Variants in VAV2 observed in about 807,000 individuals in gnomAD.
The protein encoded by VAV2 is vav guanine nucleotide exchange factor 2.
A neutral mutation model predicts 132.5 loss-of-function variants in VAV2; 67 were observed. The ratio of observed to expected loss-of-function variants is 0.51; its 90% CI spans 0.42 to 0.62. The LOEUF is 0.62. VAV2 is among the 20% of genes least tolerant of loss of function. The pLI is 0.00. For missense variants in VAV2, 938 were observed against 1,153.6 expected, an observed-to-expected ratio of 0.81 and a Z score of 2.71; for synonymous variants, 492 against 443.5, an observed-to-expected ratio of 1.11 and a Z score of -1.37.
At chr9:133,869,791 C>A (rs1017441639) in intron 2 of VAV2, among the ~76,000 whole-genome samples, 1 of 152,122 alleles carries the variant, frequency 6.6e-6, no homozygotes, top group African/African-American at 2.4e-5. Flanking sequence ...TGGCCCCAGC[C>A]GCAGACCTTC....
rs1837097481 is a variant in VAV2 at position 133,849,876 on chromosome 9, T to G, written c.380+11498A>C. 2.6e-5 allele frequency among the ~76,000 whole-genome samples: 4 copies of G among 152,088 alleles called. No homozygotes were observed. In the Admixed American group the frequency reaches 2.6e-4, roughly 10 times the overall value. ...GGCCCAACCAGGTAATTCAGGATGATCTCATCTAGAGGACCCTACTTTAAT... is the reference window on the plus strand; with the variant it reads ...GGCCCAACCAGGTAATTCAGGATGAGCTCATCTAGAGGACCCTACTTTAAT... On this transcript the variant is annotated intron_variant, in intron 3 of 29. Coordinates refer to ENST00000371850, the MANE Select transcript of VAV2 (RefSeq NM_001134398.2).
At chr9:133,967,790 G>A (rs34081182) in intron 1 of VAV2, among the ~76,000 whole-genome samples, 33,179 of 151,622 alleles carry the variant, frequency 0.22, 3,743 homozygotes, top group Middle Eastern at 0.28. Context: ...AAAATTAGCC[G>A]GATGTGGTGG....
intron 4 of VAV2, among the ~76,000 whole-genome samples, chr9:133,818,898 T>C (rs1466083920): frequency 1.3e-5 from 2 of 152,016 alleles, no homozygotes; most frequent in African/African-American, 4.8e-5. Flanking sequence ...GCACTCACCA[T>C]GATGCCCAGC....
rs139234729 is a variant in VAV2, at chr9:133,802,691, C to A, written c.836+3390G>T. On this transcript the variant is annotated intron_variant, in intron 9 of 29. Transcript: ENST00000371850. The surrounding 1 kb of genome is among the most constrained non-coding windows in gnomAD (Gnocchi z 5.8). Reference sequence around the variant, plus strand: ...TACGTCAAATTCTGAACCCACCACACGGTGCACAAATGCCTCCTCCAGAGA... The same window carrying A: ...TACGTCAAATTCTGAACCCACCACAAGGTGCACAAATGCCTCCTCCAGAGA... Among the ~76,000 whole-genome samples the A allele has an allele frequency of 1.3e-5, 2 of 152,180 alleles. No individual in the cohort carries two copies. Among genetic ancestry groups the A allele is most frequent in the East Asian group, 1.9e-4 (1 of 5,192 alleles).
chr9:133,869,764 C>G (rs1837955409), intron 2 of VAV2, among the ~76,000 whole-genome samples: 2 of 152,210 alleles, frequency 1.3e-5, no homozygotes, highest in African/African-American at 2.4e-5. Context: ...AATCAGTAAG[C>G]AGGAACTGCA....
At chr9:133,966,930 G>C (rs1842159529) in intron 1 of VAV2, among the ~76,000 whole-genome samples, 1 of 151,048 alleles carries the variant, frequency 6.6e-6, no homozygotes, top group Non-Finnish European at 1.5e-5. Context: ...AGCTACTTGG[G>C]AGGCTGAGGC....
intron 1 of VAV2, among the ~76,000 whole-genome samples, chr9:133,975,924 G>A (rs535512014): frequency 4.4e-4 from 67 of 152,090 alleles, no homozygotes; most frequent in African/African-American, 1.3e-3. Context: ...TTGGCCAGGC[G>A]CCATGGCTCA....
At chr9:133,866,115 TAGGGCCCAAGCCCTAGGGTGGGCC>T (rs566003137) in intron 2 of VAV2, among the ~76,000 whole-genome samples, 214 of 152,308 alleles carry the variant, frequency 1.4e-3, no homozygotes, top group African/African-American at 4.2e-3. Context: ...CCCCCGCTGT[TAGGGCCCAAGCCCTAGGGTGGGCC>T]TGGTTCCAGG....
chr9:133,778,172 ATGAACGCCCACAAAGGTCCCC>A, intron 22 of VAV2, among the ~76,000 whole-genome samples: 1 of 81,236 alleles, frequency 1.2e-5, no homozygotes, highest in South Asian at 2.8e-4. Flanking sequence ...GAAGGTGGGG[ATGAACGCCCACAAAGGTCCCC>A]GGGATGAACG....
At chr9:133,981,334 G>A (rs529270721) in intron 1 of VAV2, among the ~76,000 whole-genome samples, 1 of 152,336 alleles carries the variant, frequency 6.6e-6, no homozygotes, top group East Asian at 1.9e-4. Flanking sequence ...GTGTCCAGGT[G>A]CGCCCAGCAG....
chr9:133,806,420 C>T (rs963471981), intron 8 of VAV2, among the ~76,000 whole-genome samples: 1 of 152,174 alleles, frequency 6.6e-6, no homozygotes, highest in African/African-American at 2.4e-5. Context: ...CAGCCCGCAC[C>T]AGCCCATCAG....
intron 3 of VAV2, among the ~76,000 whole-genome samples, chr9:133,835,399 G>A (rs1836430189): frequency 1.3e-5 from 2 of 151,758 alleles, no homozygotes; most frequent in African/African-American, 2.4e-5. Flanking sequence ...GCGGGGAGAG[G>A]CGGAAGGGAG....
chr9:133,852,609 T>G (rs1150063), intron 3 of VAV2, among the ~76,000 whole-genome samples: 5,413 of 152,282 alleles, frequency 0.036, 132 homozygotes, highest in South Asian at 0.078. Context: ...GGCAGATCCC[T>G]GCCCCACTGC....
At chr9:133,882,380 G>T (rs961832545) in intron 2 of VAV2, among the ~76,000 whole-genome samples, 12 of 152,206 alleles carry the variant, frequency 7.9e-5, no homozygotes, top group African/African-American at 2.9e-4. Flanking sequence ...ATCTGTACGG[G>T]GCTGGAGAGC....
At chr9:133,783,474 T>TGGGGGGGG (rs1564341509) in intron 19 of VAV2, 29 bp downstream of exon 19, 1 of 1,480,260 alleles carries the variant, frequency 6.8e-7, no homozygotes, top group Non-Finnish European at 9.0e-7. Flanking sequence ...GGCCAGGGAC[T>TGGGGGGGG]GGGGTGGGGG....
intron 23 of VAV2, among the ~76,000 whole-genome samples, chr9:133,776,680 G>T (rs1235968189): frequency 6.6e-6 from 1 of 152,174 alleles, no homozygotes; most frequent in Non-Finnish European, 1.5e-5. Flanking sequence ...CTCCCCTGCC[G>T]CCTGGTCCCC....
Position 133,768,382 on chromosome 9 carries a change from C to A in VAV2, c.2589+60G>T, listed in dbSNP as rs1411609195. The A allele has an allele frequency of 6.3e-7, 1 of 1,580,324 alleles. No homozygotes were observed. The highest frequency in any genetic ancestry group is 1.2e-5 in the South Asian group (1 of 86,660). On this transcript the variant is annotated intron_variant, in intron 29 of 29. Transcript: ENST00000371850. The surrounding 1 kb of genome is among the most constrained non-coding windows in gnomAD (Gnocchi z 5.3). ...TAGGTGTGGTGCTAGTCTGCCTGAG[C>A]CCGACCAGGTAGGGGCTGCAGCGAG...
chr9:133,796,553 C>T lies in VAV2; in HGVS notation c.937-29G>A, dbSNP rs772053742. Reference sequence around the variant, plus strand: ...GGAGGGCGACAGGGCGATGGGAGAGCCCTCCCCGAGGAAAGCCTGAACCCA... The same window carrying T: ...GGAGGGCGACAGGGCGATGGGAGAGTCCTCCCCGAGGAAAGCCTGAACCCA... On this transcript the variant is annotated intron_variant, in intron 10 of 29. Transcript: ENST00000371850. 9 of 1,600,076 alleles carry T rather than the reference C, an allele frequency of 5.6e-6. No individual in the cohort carries two copies. The African/African-American group carries it at 9.4e-5, about 17-fold the overall frequency.
chr9:133,869,953 G>A (rs1837962065), intron 2 of VAV2, among the ~76,000 whole-genome samples: 1 of 152,206 alleles, frequency 6.6e-6, no homozygotes, highest in Admixed American at 6.5e-5. Context: ...TGCATATTCA[G>A]AAGCAAATCA....
Sources: allele counts gnomAD v4.1 joint callset (sites outside exome capture counted in the v4.1 genomes callset), GRCh38; gene constraint gnomAD v4.1.1; non-coding constraint Gnocchi (gnomAD v3.1); transcripts MANE v1.5; gene names NCBI Gene and HGNC (gene_info 2026-07-23, HGNC 2026-07-21).